NAV2: variants seen among roughly 807,000 people sequenced by gnomAD.
The protein encoded by NAV2 is helicase, APC down-regulated 1.
A neutral mutation model predicts 223.2 loss-of-function variants in NAV2; 54 were observed. The observed-to-expected ratio is 0.24, with a 90% CI of 0.19 to 0.30. The LOEUF is 0.30. NAV2 is among the 10% of genes least tolerant of loss of function. NAV2 has a pLI of 1.00. For missense variants in NAV2, 2,806 were observed against 3,147.5 expected (o/e 0.89, Z 2.60); for synonymous variants, 1,279 against 1,239.3 (o/e 1.03, Z -0.67).
chr11:19,686,647 C>A (rs1028430813), intron 1 of NAV2, among the ~76,000 whole-genome samples: 5 of 152,304 alleles, frequency 3.3e-5, no homozygotes, highest in Admixed American at 2.6e-4. Context: ...TGGGCCTGCC[C>A]AGGTGGGGAG....
At chr11:19,550,302 C>T (rs1013384836) in intron 1 of NAV2, among the ~76,000 whole-genome samples, 5 of 152,156 alleles carry the variant, frequency 3.3e-5, no homozygotes, top group African/African-American at 1.2e-4. Flanking sequence ...TCCAGAGCTC[C>T]CCAATGCCCC....
intron 1 of NAV2, among the ~76,000 whole-genome samples, chr11:19,707,094 G>A (rs1008715811): frequency 1.3e-5 from 2 of 152,190 alleles, no homozygotes; most frequent in Non-Finnish European, 2.9e-5. Context: ...TTGTAGGACT[G>A]GAAGTTGCTC....
intron 12 of NAV2, 38 bp from the exon 13 acceptor site, chr11:20,043,943 A>C (rs1422323593): frequency 1.3e-6 from 2 of 1,586,208 alleles, no homozygotes; most frequent in South Asian, 1.1e-5. Flanking sequence ...CCAGCCTGGG[A>C]CTGGGGAAGG....
At chr11:19,763,567 T>C (rs538852750) in intron 1 of NAV2, among the ~76,000 whole-genome samples, 4 of 152,314 alleles carry the variant, frequency 2.6e-5, no homozygotes, top group African/African-American at 9.6e-5. Flanking sequence ...AATTAGAACA[T>C]TCTCCCTTGT....
At chr11:19,604,167 G>C (rs1028634626) in intron 1 of NAV2, among the ~76,000 whole-genome samples, 1 of 152,144 alleles carries the variant, frequency 6.6e-6, no homozygotes, top group Admixed American at 6.5e-5. Flanking sequence ...TTAAGCAGAG[G>C]AGAAACATCG....
intron 26 of NAV2, 139 bp downstream of exon 26, chr11:20,083,318 T>G: frequency 1.5e-6 from 1 of 646,574 alleles, no homozygotes. Flanking sequence ...TGCATGTTCT[T>G]TCAATGCTTT....
At chr11:19,679,412 C>T (rs1191125897) in intron 1 of NAV2, among the ~76,000 whole-genome samples, 2 of 75,034 alleles carry the variant, frequency 2.7e-5, no homozygotes, top group Non-Finnish European at 3.4e-5. Context: ...GCCTGGGCAA[C>T]AGAACGAGAC....
chr11:19,698,895 G>GT (rs947646439), intron 1 of NAV2, among the ~76,000 whole-genome samples: 2 of 152,142 alleles, frequency 1.3e-5, no homozygotes, highest in Admixed American at 6.5e-5. Flanking sequence ...ACCACTTAGA[G>GT]GATTCCAGAC....
intron 1 of NAV2, among the ~76,000 whole-genome samples, chr11:19,371,736 A>C (rs1848476263): frequency 6.7e-6 from 1 of 149,546 alleles, no homozygotes; most frequent in African/African-American, 2.5e-5. Flanking sequence ...GGAATCAACT[A>C]TGCAACTATG....
intron 11 of NAV2, among the ~76,000 whole-genome samples, chr11:19,985,767 G>A (rs2153456184): frequency 6.6e-6 from 1 of 152,074 alleles, no homozygotes; most frequent in Admixed American, 6.5e-5. Flanking sequence ...GTAGAGACGG[G>A]GTTTCACCAT....
chr11:19,622,136 T>C (rs1324363097), intron 1 of NAV2, among the ~76,000 whole-genome samples: 1 of 152,244 alleles, frequency 6.6e-6, no homozygotes, highest in Non-Finnish European at 1.5e-5. Context: ...TGTTATAATT[T>C]CTGTTCTTTT....
intron 7 of NAV2, among the ~76,000 whole-genome samples, chr11:19,935,889 G>T (rs371702188): frequency 1.3e-5 from 1 of 77,082 alleles, no homozygotes; most frequent in Non-Finnish European, 2.2e-5. Flanking sequence ...ATGGAGTGTC[G>T]CTCTATCGCC....
At chr11:19,900,010 T>C (rs1302008489) in intron 6 of NAV2, among the ~76,000 whole-genome samples, 1 of 152,122 alleles carries the variant, frequency 6.6e-6, no homozygotes, top group Non-Finnish European at 1.5e-5. Context: ...TAGGTGTCGG[T>C]TGGTTAGAGT....
chr11:20,079,537 C>T (rs1355139997), intron 24 of NAV2, among the ~76,000 whole-genome samples: 1 of 152,100 alleles, frequency 6.6e-6, no homozygotes, highest in African/African-American at 2.4e-5. Flanking sequence ...GTCTATTGGG[C>T]CTCCCGAAAA....
intron 10 of NAV2, among the ~76,000 whole-genome samples, chr11:19,951,234 A>G (rs1309110940): frequency 1.3e-5 from 2 of 152,186 alleles, no homozygotes; most frequent in African/African-American, 4.8e-5. Flanking sequence ...GAAAAAGGTC[A>G]GAGAGAAACT....
intron 11 of NAV2, among the ~76,000 whole-genome samples, chr11:20,032,985 TA>T (rs1175328258): frequency 3.9e-5 from 6 of 152,176 alleles, no homozygotes; most frequent in African/African-American, 9.7e-5. Flanking sequence ...TAAGAGTGAC[TA>T]GGAGAGTATG....
At chr11:19,805,779 C>G (rs1383570730) in intron 1 of NAV2, among the ~76,000 whole-genome samples, 3 of 152,194 alleles carry the variant, frequency 2.0e-5, no homozygotes, top group Non-Finnish European at 4.4e-5. Flanking sequence ...AAACGTACTT[C>G]TCATCCCCGC....
intron 1 of NAV2, among the ~76,000 whole-genome samples, chr11:19,623,029 A>C (rs2047051118): frequency 6.6e-6 from 1 of 152,158 alleles, no homozygotes; most frequent in Non-Finnish European, 1.5e-5. Flanking sequence ...TATGAAGCTT[A>C]GTTTGGCTGG....
intron 18 of NAV2, among the ~76,000 whole-genome samples, chr11:20,055,527 G>T (rs752679708): frequency 3.3e-5 from 5 of 152,190 alleles, no homozygotes; most frequent in Non-Finnish European, 7.3e-5. Flanking sequence ...CTGTCTGAAC[G>T]TGCCAAGTTG....
Sources: gnomAD v4.1 joint callset for allele counts (sites outside exome capture counted in the v4.1 genomes callset) on GRCh38, gnomAD v4.1.1 for gene constraint, MANE v1.5 for transcripts, NCBI Gene and HGNC (gene_info 2026-07-23, HGNC 2026-07-21) for gene names.